SAE1: variants seen among roughly 807,000 people sequenced by gnomAD.
The protein encoded by SAE1 is SUMO-activating enzyme subunit 1.
SAE1 carries 11 observed loss-of-function variants against 40.6 expected under a neutral mutation model. The ratio of observed to expected loss-of-function variants is 0.27; its 90% CI spans 0.17 to 0.45. The LOEUF is 0.45. Ranked by LOEUF, SAE1 falls within the 20% of genes least tolerant of loss-of-function variation. SAE1 has a pLI of 1.00. For synonymous variants in SAE1, 155 were observed against 154.3 expected (o/e 1.00, Z -0.03); for missense variants, 373 against 427.3 (o/e 0.87, Z 1.12).
chr19:47,167,912 G>T (rs2058404584), intron 5 of SAE1, among the ~76,000 whole-genome samples: 1 of 152,006 alleles, frequency 6.6e-6, no homozygotes, highest in Non-Finnish European at 1.5e-5. Context: ...CTTTTTTCTG[G>T]CTAGGCACAG....
chr19:47,184,721 G>A (rs1221076717), intron 6 of SAE1, among the ~76,000 whole-genome samples: 1 of 151,954 alleles, frequency 6.6e-6, no homozygotes, highest in Non-Finnish European at 1.5e-5. Flanking sequence ...TCGTTCTGTC[G>A]TATTTTTTTA....
At chr19:47,144,697 T>TCAA (rs1008085515) in intron 2 of SAE1, among the ~76,000 whole-genome samples, 11 of 152,184 alleles carry the variant, frequency 7.2e-5, no homozygotes, top group South Asian at 6.2e-4. Context: ...AGACTCCGTT[T>TCAA]CAACAACAAC....
intron 6 of SAE1, among the ~76,000 whole-genome samples, chr19:47,194,676 C>T (rs1241278081): frequency 6.6e-6 from 1 of 151,882 alleles, no homozygotes; most frequent in Non-Finnish European, 1.5e-5. Context: ...AGAATGCCTG[C>T]CCGCCCGCAG....
At chr19:47,138,080 G>A (rs368853479) in intron 1 of SAE1, among the ~76,000 whole-genome samples, 1 of 151,510 alleles carries the variant, frequency 6.6e-6, no homozygotes, top group African/African-American at 2.4e-5. Flanking sequence ...TTTCTCTCTT[G>A]TTGCCCAGGC....
At chr19:47,152,236 A>T (rs1288558769) in intron 3 of SAE1, among the ~76,000 whole-genome samples, 1 of 152,238 alleles carries the variant, frequency 6.6e-6, no homozygotes, top group African/African-American at 2.4e-5. Context: ...CCAATACCTC[A>T]ACTTACTGGA....
intron 7 of SAE1, among the ~76,000 whole-genome samples, chr19:47,200,001 G>GCT (rs2058642564): frequency 6.6e-6 from 1 of 151,782 alleles, no homozygotes; most frequent in Non-Finnish European, 1.5e-5. Context: ...CATGATCTTG[G>GCT]CTCACTGCAA....
At chr19:47,208,901 C>A (rs976706132) in intron 8 of SAE1, among the ~76,000 whole-genome samples, 5 of 152,202 alleles carry the variant, frequency 3.3e-5, no homozygotes, top group African/African-American at 1.2e-4. Flanking sequence ...CAGGCAAATA[C>A]ATTTCTTAAT....
At position 47,204,187 on chromosome 19, in the gene SAE1, C is replaced by CTT. The variant is rs57736880; in HGVS notation, c.948+474_948+475dup. Among the ~76,000 whole-genome samples the CTT allele has an allele frequency of 4.1e-3, 335 of 82,124 alleles. 38 individuals are homozygous for CTT. The highest frequency in any genetic ancestry group is 0.02 in the Admixed American group (122 of 6,246). 53.9% of individuals were successfully genotyped at this position (82,124 alleles called of 152,430 possible). On this transcript the variant is annotated intron_variant, in intron 8 of 8. Transcript: ENST00000270225. ...CATCACCATGACATCAAAGCCCTCC[C>CTT]TTTTTTTTTTTTTTTTTTTTTTTTT...
chr19:47,145,527 G>C (rs557999506), intron 2 of SAE1, among the ~76,000 whole-genome samples: 9 of 152,208 alleles, frequency 5.9e-5, no homozygotes, highest in African/African-American at 2.2e-4. Context: ...CATCTTCAAG[G>C]TGAAAATAAG....
intron 6 of SAE1, among the ~76,000 whole-genome samples, chr19:47,193,903 G>A (rs2058596569): frequency 6.6e-6 from 1 of 151,998 alleles, no homozygotes; most frequent in Admixed American, 6.6e-5. Flanking sequence ...CGTCTATACT[G>A]GACAGGTGGA....
chr19:47,168,552 C>A (rs1259425790), intron 5 of SAE1, among the ~76,000 whole-genome samples: 1 of 152,044 alleles, frequency 6.6e-6, no homozygotes, highest in Non-Finnish European at 1.5e-5. Context: ...CTTTGGCCTG[C>A]CAGAGTGCTG....
intron 1 of SAE1, among the ~76,000 whole-genome samples, chr19:47,134,570 G>T (rs556416355): frequency 6.6e-6 from 1 of 152,190 alleles, no homozygotes; most frequent in East Asian, 1.9e-4. Context: ...ATTTATGTGA[G>T]TTGGAGGAAA....
Position 47,209,630 on chromosome 19 carries a change from C to G in SAE1, c.*379C>G. ...CCAGGAATGAGCAAGCTCTGTTGCT[C>G]GGGAGCCTCTTGTCACCTTCTTGGA... On this transcript the variant is annotated 3_prime_UTR_variant, in exon 9 of 9. Transcript: ENST00000270225. 3.6e-6 allele frequency: 1 copy of G among 278,542 alleles called. No individual in the cohort carries two copies. The highest frequency in any genetic ancestry group is 7.3e-5 in the East Asian group (1 of 13,770). The allele number at this position is 278,542 out of a possible 1,614,324, so 17.3% of individuals were successfully genotyped here. A position where few individuals can be genotyped will look rare whatever the true frequency, so the allele number is the denominator to read the frequency against.
rs555578221 is a variant in SAE1 at position 47,159,937 on chromosome 19, G to A, written c.627+4724G>A. Among the ~76,000 whole-genome samples, 8 of 152,208 alleles carry A rather than the reference G, an allele frequency of 5.3e-5. No homozygotes were observed. The South Asian group carries it at 6.2e-4, about 12-fold the overall frequency. On this transcript the variant is annotated intron_variant, in intron 5 of 8. Coordinates refer to ENST00000270225, the MANE Select transcript of SAE1 (RefSeq NM_005500.3). ...TCGAACTCCTGGCCTCAAGTGATCC[G>A]CCCACTTTGGCCTCCCAAAGTACTG...
chr19:47,194,829 A>G (rs763634359), intron 6 of SAE1, among the ~76,000 whole-genome samples: 6 of 150,610 alleles, frequency 4.0e-5, no homozygotes, highest in Admixed American at 2.0e-4. Context: ...GCTCACTGCA[A>G]CCTCCCAGGT....
intron 5 of SAE1, among the ~76,000 whole-genome samples, chr19:47,164,501 TC>T (rs2058378275): frequency 6.6e-6 from 1 of 152,092 alleles, no homozygotes; most frequent in Admixed American, 6.6e-5. Context: ...GTGTCATTTT[TC>T]CTCTTCTTGC....
chr19:47,200,937 A>AACCTCC (rs1260999854), intron 7 of SAE1, among the ~76,000 whole-genome samples: 2 of 152,110 alleles, frequency 1.3e-5, no homozygotes, highest in Non-Finnish European at 2.9e-5. Flanking sequence ...GGCTCACTGC[A>AACCTCC]ACCTCCACCT....
intron 7 of SAE1, among the ~76,000 whole-genome samples, chr19:47,201,141 G>A (rs1448005425): frequency 6.6e-6 from 1 of 151,452 alleles, no homozygotes; most frequent in Non-Finnish European, 1.5e-5. Context: ...TCTGTGCTCT[G>A]TGGTTCAAGT....
Position 47,203,750 on chromosome 19 carries a change from C to G in SAE1, c.948+10C>G. 1.9e-6 allele frequency: 3 copies of G among 1,610,666 alleles called. No homozygotes were observed. The highest frequency in any genetic ancestry group is 2.5e-6 in the Non-Finnish European group (3 of 1,176,826). On this transcript the variant is annotated intron_variant, in intron 8 of 8. Transcript: ENST00000270225. ...ACAGGAAATTGTGAAGGTAAAACAT[C>G]ACTGTGGAGCAGAAAATTGTTAACC... is the stretch of plus-strand genomic sequence containing the variant.
Sources: gnomAD v4.1 joint callset for allele counts (sites outside exome capture counted in the v4.1 genomes callset) on GRCh38, gnomAD v4.1.1 for gene constraint, MANE v1.5 for transcripts, NCBI Gene and HGNC (gene_info 2026-07-23, HGNC 2026-07-21) for gene names.